The following LINGO2 variants were observed in gnomAD, a reference collection of about 807,000 sequenced individuals.
LINGO2 encodes leucine rich repeat and Ig domain containing 2.
In LINGO2, 14 loss-of-function variants were observed where a neutral mutation model predicts 30.6. That is an observed-to-expected ratio of 0.46 (90% CI 0.30 to 0.72). The LOEUF is 0.72. Among genes scored for constraint, LINGO2 ranks in the 30% least tolerant of loss-of-function variants. The pLI is 0.07. For missense variants in LINGO2, 729 were observed against 751.7 expected (o/e 0.97, Z 0.35); for synonymous variants, 317 against 288.5 (o/e 1.10, Z -1.00).
chr9:27,952,069 CATT>C (rs1819341223), intron 5 of LINGO2, among the ~76,000 whole-genome samples: 1 of 151,946 alleles, frequency 6.6e-6, no homozygotes. Context: ...GCAAAACTAT[CATT>C]ATTCACAGAT....
chr9:28,506,463 TACACACACACAC>T (rs1273172042), intron 1 of LINGO2, among the ~76,000 whole-genome samples: 377 of 20,868 alleles, frequency 0.018, 8 homozygotes, highest in East Asian at 0.089. Context: ...CACATACACA[TACACACACACAC>T]ACACATACAC....
At chr9:28,574,328 C>A (rs1183848951) in intron 1 of LINGO2, among the ~76,000 whole-genome samples, 1 of 152,146 alleles carries the variant, frequency 6.6e-6, no homozygotes, top group East Asian at 1.9e-4. Context: ...TTCATCAGAT[C>A]CTGAAGGGAA....
chr9:28,274,759 T>C (rs991086157), intron 4 of LINGO2, among the ~76,000 whole-genome samples: 8 of 152,134 alleles, frequency 5.3e-5, no homozygotes, highest in Non-Finnish European at 8.8e-5. Flanking sequence ...CCCCACACGA[T>C]AGGGTGCTTC....
the LINGO2 span, among the ~76,000 whole-genome samples, chr9:28,699,085 G>A: frequency 1.3e-4 from 19 of 140,910 alleles, no homozygotes; most frequent in South Asian, 2.3e-4. Flanking sequence ...CAAAAACACC[G>A]AACTGGTACA....
the LINGO2 span, among the ~76,000 whole-genome samples, chr9:28,791,209 G>A: frequency 1.3e-5 from 2 of 152,156 alleles, no homozygotes; most frequent in Admixed American, 6.5e-5. Flanking sequence ...TCCTATGAAT[G>A]TAGTAATTTT....
At chr9:28,127,053 A>G (rs1205006676) in intron 4 of LINGO2, among the ~76,000 whole-genome samples, 1 of 152,192 alleles carries the variant, frequency 6.6e-6, no homozygotes, top group African/African-American at 2.4e-5. Context: ...ATTGAGATTC[A>G]CAGAAGTCCC....
At chr9:28,339,161 C>A (rs935104108) in intron 3 of LINGO2, among the ~76,000 whole-genome samples, 1 of 151,978 alleles carries the variant, frequency 6.6e-6, no homozygotes, top group African/African-American at 2.4e-5. Flanking sequence ...ACTTTGTTAA[C>A]CCCTTTTTAG....
intron 4 of LINGO2, among the ~76,000 whole-genome samples, chr9:28,122,732 T>A (rs1239768015): frequency 6.6e-6 from 1 of 152,196 alleles, no homozygotes; most frequent in Non-Finnish European, 1.5e-5. Flanking sequence ...CAAGCCACTA[T>A]CACAGCATCA....
At chr9:28,454,008 T>A (rs1353355708) in intron 2 of LINGO2, among the ~76,000 whole-genome samples, 1 of 151,950 alleles carries the variant, frequency 6.6e-6, no homozygotes, top group African/African-American at 2.4e-5. Context: ...TCCGAAAGAT[T>A]AAAATGGACC....
intron 2 of LINGO2, among the ~76,000 whole-genome samples, chr9:28,391,605 G>T (rs929593621): frequency 8.4e-5 from 1 of 11,884 alleles, no homozygotes; most frequent in African/African-American, 3.7e-4. Flanking sequence ...TTATGTTTGC[G>T]TGTGTGTGTG....
chr9:29,028,715 C>T, the LINGO2 span, among the ~76,000 whole-genome samples: 5 of 152,066 alleles, frequency 3.3e-5, no homozygotes, highest in African/African-American at 1.2e-4. Flanking sequence ...GCCAATTTAG[C>T]TTGCTAGATG....
the LINGO2 span, among the ~76,000 whole-genome samples, chr9:28,915,511 G>C: frequency 6.6e-6 from 1 of 152,142 alleles, no homozygotes. Context: ...AAAGCCCTCA[G>C]TATCACCATA....
At chr9:28,049,351 G>A (rs1283117485) in intron 4 of LINGO2, among the ~76,000 whole-genome samples, 1 of 150,766 alleles carries the variant, frequency 6.6e-6, no homozygotes, top group Non-Finnish European at 1.5e-5. Context: ...CAGTACTAGG[G>A]TTAGGCTATT....
chr9:28,307,942 A>C (rs1824437673), intron 3 of LINGO2, among the ~76,000 whole-genome samples: 1 of 152,100 alleles, frequency 6.6e-6, no homozygotes, highest in African/African-American at 2.4e-5. Flanking sequence ...GATACAAAGA[A>C]ATGGAAGAAC....
At chr9:28,232,948 G>A (rs536641208) in intron 4 of LINGO2, among the ~76,000 whole-genome samples, 2 of 148,532 alleles carry the variant, frequency 1.3e-5, no homozygotes, top group Non-Finnish European at 3.0e-5. Flanking sequence ...ATCCAACCTG[G>A]GGATGCGTTT....
the LINGO2 span, among the ~76,000 whole-genome samples, chr9:29,026,519 T>C: frequency 6.6e-6 from 1 of 152,188 alleles, no homozygotes; most frequent in Non-Finnish European, 1.5e-5. Context: ...AACTTAATTA[T>C]ACTGAAAACA....
At chr9:29,058,227 T>G in the LINGO2 span, among the ~76,000 whole-genome samples, 1 of 151,984 alleles carries the variant, frequency 6.6e-6, no homozygotes, top group African/African-American at 2.4e-5. Flanking sequence ...AAATAGAGAA[T>G]AAACACTGAC....
intron 1 of LINGO2, among the ~76,000 whole-genome samples, chr9:28,498,453 G>A (rs1819747340): frequency 6.6e-6 from 1 of 152,182 alleles, no homozygotes. Flanking sequence ...GGGTCCCTCT[G>A]AGCCAGGCAC....
chr9:28,445,914 A>C (rs1007101566), intron 2 of LINGO2, among the ~76,000 whole-genome samples: 2 of 152,220 alleles, frequency 1.3e-5, no homozygotes, highest in African/African-American at 4.8e-5. Flanking sequence ...AGGGCATCTG[A>C]ATTCAAAAAA....
Sources: gnomAD v4.1 joint callset for allele counts (sites outside exome capture counted in the v4.1 genomes callset) on GRCh38, gnomAD v4.1.1 for gene constraint, MANE v1.5 for transcripts, NCBI Gene and HGNC (gene_info 2026-07-23, HGNC 2026-07-21) for gene names.